GNAL: variants seen among roughly 807,000 people sequenced by gnomAD.
The protein encoded by GNAL is guanine nucleotide-binding protein G(olf) subunit alpha.
Under a neutral mutation model 55.1 loss-of-function variants are expected in GNAL, and 18 were observed. The ratio of observed to expected loss-of-function variants is 0.33; its 90% CI spans 0.23 to 0.48. GNAL has a LOEUF of 0.48. Ranked by LOEUF, GNAL falls within the 20% of genes least tolerant of loss-of-function variation. The pLI is 0.99. For missense variants in GNAL, 412 were observed against 614.1 expected (o/e 0.67, Z 3.48); for synonymous variants, 253 against 237.0 (o/e 1.07, Z -0.62).
chr18:11,767,448 G>T lies in GNAL; in HGVS notation c.624+13503G>T, dbSNP rs562634627. 5.3e-5 allele frequency among the ~76,000 whole-genome samples: 8 copies of T among 151,246 alleles called. No homozygotes were observed. In the South Asian group the frequency reaches 1.7e-3, roughly 32 times the overall value. ...TGTGCACCCTTTTGCTTGCACAGTT[G>T]CTCTCTGTGCACCTTATGCTTGCAT... On this transcript the variant is annotated intron_variant, in intron 4 of 11. Coordinates refer to ENST00000334049, the MANE Select transcript of GNAL (RefSeq NM_182978.4).
intron 4 of GNAL, among the ~76,000 whole-genome samples, chr18:11,789,863 C>A (rs2034180022): frequency 6.6e-6 from 1 of 152,198 alleles, no homozygotes; most frequent in Non-Finnish European, 1.5e-5. Context: ...TAATAAGATG[C>A]AGCTTCTAGC....
In GNAL at chr18:11,885,512, A is replaced by C. The variant is rs1248835668; in HGVS notation, c.*4377A>C. Reference sequence around the variant, plus strand: ...GAATGTCATGCTGATTGGTTCCCGGAAGGGTGTTTGGCAAGGGGCAGTGTA... The same window carrying C: ...GAATGTCATGCTGATTGGTTCCCGGCAGGGTGTTTGGCAAGGGGCAGTGTA... On this transcript the variant is annotated 3_prime_UTR_variant, in exon 12 of 12. Transcript: ENST00000334049. 2 of 782,700 alleles carry C rather than the reference A, an allele frequency of 2.6e-6. No homozygotes were observed. The highest frequency in any genetic ancestry group is 5.5e-5 in the East Asian group (2 of 36,176). The allele number at this position is 782,700 out of a possible 1,614,324, so 48.5% of individuals were successfully genotyped here. A position where few individuals can be genotyped will look rare whatever the true frequency, so the allele number is the denominator to read the frequency against.
chr18:11,744,111 C>G (rs1399636827), intron 1 of GNAL, among the ~76,000 whole-genome samples: 1 of 152,132 alleles, frequency 6.6e-6, no homozygotes, highest in Non-Finnish European at 1.5e-5. Flanking sequence ...TTTAGTGGCA[C>G]TGGATATTTC....
intron 5 of GNAL, among the ~76,000 whole-genome samples, chr18:11,854,628 G>T (rs2143801436): frequency 6.6e-6 from 1 of 151,910 alleles, no homozygotes; most frequent in East Asian, 1.9e-4. Context: ...CTAAAAATAT[G>T]AAATTAGCTG....
At chr18:11,699,370 G>GTT (rs906975665) in intron 1 of GNAL, among the ~76,000 whole-genome samples, 1 of 147,228 alleles carries the variant, frequency 6.8e-6, no homozygotes, top group Non-Finnish European at 1.5e-5. Context: ...AATTTTTGGG[G>GTT]TTTTTTTTTT....
intron 10 of GNAL, 114 bp from the exon 11 acceptor site, chr18:11,876,507 A>G (rs2036536300): frequency 5.5e-6 from 4 of 733,912 alleles, no homozygotes; most frequent in Non-Finnish European, 9.8e-6. Flanking sequence ...CTGTACATGT[A>G]TTTTAATGCT....
chr18:11,862,136 C>T (rs2036159958), intron 5 of GNAL, among the ~76,000 whole-genome samples: 1 of 151,870 alleles, frequency 6.6e-6, no homozygotes, highest in Non-Finnish European at 1.5e-5. Context: ...ACCCCCAGCG[C>T]TGTGGCAGTG....
rs2033921691 is a variant in GNAL, at chr18:11,781,416, GA to G, written c.624+27472del. ...TATAATAGATATGCACATTTAATGT[GA>G]TAGCATTTCTCCTCCCATACACCCC... On this transcript the variant is annotated intron_variant, in intron 4 of 11. Transcript: ENST00000334049. Among the ~76,000 whole-genome samples the G allele has an allele frequency of 3.3e-5, 5 of 152,146 alleles. No individual in the cohort carries two copies. In the East Asian group the frequency reaches 9.6e-4, roughly 29 times the overall value.
chr18:11,790,661 C>CTTTTTTTTTT (rs397941591), intron 4 of GNAL, among the ~76,000 whole-genome samples: 5 of 71,466 alleles, frequency 7.0e-5, no homozygotes, highest in African/African-American at 1.9e-4. Flanking sequence ...CTTTTTTTTT[C>CTTTTTTTTTT]TTTTTTTTTT....
intron 1 of GNAL, among the ~76,000 whole-genome samples, chr18:11,714,531 GAGTAGAGGAAGAGGTCAAATACA>G (rs1246331380): frequency 6.6e-6 from 1 of 152,204 alleles, no homozygotes; most frequent in Non-Finnish European, 1.5e-5. Context: ...AGTAAATGTA[GAGTAGAGGAAGAGGTCAAATACA>G]CATTTCTCTC....
At chr18:11,739,320 G>GGT (rs1413756746) in intron 1 of GNAL, among the ~76,000 whole-genome samples, 1 of 152,190 alleles carries the variant, frequency 6.6e-6, no homozygotes, top group Admixed American at 6.5e-5. Flanking sequence ...TAGATGTGCA[G>GGT]GTGGAGGTGT....
chr18:11,842,999 A>T (rs907705986), intron 5 of GNAL, among the ~76,000 whole-genome samples: 1 of 152,224 alleles, frequency 6.6e-6, no homozygotes, highest in African/African-American at 2.4e-5. Context: ...TACAAAAGTG[A>T]TAAGTATTCT....
At chr18:11,789,814 C>A (rs995863924) in intron 4 of GNAL, among the ~76,000 whole-genome samples, 2 of 152,164 alleles carry the variant, frequency 1.3e-5, no homozygotes, top group African/African-American at 4.8e-5. Context: ...AAAGCTTAGA[C>A]CCAGAAGCTG....
intron 1 of GNAL, among the ~76,000 whole-genome samples, chr18:11,719,907 G>C (rs1238435595): frequency 6.6e-6 from 1 of 152,258 alleles, no homozygotes; most frequent in African/African-American, 2.4e-5. Context: ...GCAATAGAGT[G>C]CAAGAGACAG....
intron 4 of GNAL, among the ~76,000 whole-genome samples, chr18:11,777,784 T>TA (rs2033824010): frequency 6.6e-6 from 1 of 152,186 alleles, no homozygotes; most frequent in Non-Finnish European, 1.5e-5. Flanking sequence ...TAGCACTCGT[T>TA]ACATCCTAAG....
intron 4 of GNAL, among the ~76,000 whole-genome samples, chr18:11,801,304 A>T (rs1202881462): frequency 6.6e-6 from 1 of 152,232 alleles, no homozygotes; most frequent in Non-Finnish European, 1.5e-5. Flanking sequence ...AAATAACAGC[A>T]CTTTGGGAGG....
chr18:11,869,782 G>T, intron 9 of GNAL, among the ~76,000 whole-genome samples: 1 of 152,010 alleles, frequency 6.6e-6, no homozygotes, highest in Non-Finnish European at 1.5e-5. Flanking sequence ...GGTGGGGCGC[G>T]CTTGTAGTCC....
chr18:11,852,210 A>C, intron 5 of GNAL: 1 of 1,394,880 alleles, frequency 7.2e-7, no homozygotes, highest in Non-Finnish European at 9.5e-7. Context: ...TGAACACGCC[A>C]GAATGCTGAA....
chr18:11,878,507 C>A (rs79175243), intron 11 of GNAL, among the ~76,000 whole-genome samples: 3,444 of 152,246 alleles, frequency 0.023, 59 homozygotes, highest in Middle Eastern at 0.048. Context: ...TGACTCCATT[C>A]CCTTAATTTT....
Sources: gnomAD v4.1 joint callset for allele counts (sites outside exome capture counted in the v4.1 genomes callset) on GRCh38, gnomAD v4.1.1 for gene constraint, MANE v1.5 for transcripts, NCBI Gene and HGNC (gene_info 2026-07-23, HGNC 2026-07-21) for gene names.